ABCA12: variants seen among roughly 807,000 people sequenced by gnomAD.
ABCA12 encodes the protein glucosylceramide transporter ABCA12.
ABCA12 carries 156 observed loss-of-function variants against 293.5 expected under a neutral mutation model. That is an observed-to-expected ratio of 0.53 (90% CI 0.47 to 0.61). The LOEUF (loss-of-function observed/expected upper bound fraction) is 0.61. Ranked by LOEUF, ABCA12 falls within the 20% of genes least tolerant of loss-of-function variation. ABCA12 has a pLI of 0.00. For missense variants in ABCA12, 2,797 were observed against 3,090.2 expected, an observed-to-expected ratio of 0.91 and a Z score of 2.25; for synonymous variants, 1,063 against 1,108.0, an observed-to-expected ratio of 0.96 and a Z score of 0.81.
At position 214,980,413 on chromosome 2, in the gene ABCA12, A is replaced by C. The variant is rs1045765678; in HGVS notation, c.4740+70T>G. On this transcript the variant is annotated intron_variant, in intron 31 of 52. Transcript: ENST00000272895. ...TTTAGCAATGAATAAAGTTGGAGAG[A>C]CTCTGCTCCTATTTCATATAAAACT... 22 of 1,586,502 alleles carry C rather than the reference A, an allele frequency of 1.4e-5. No homozygotes were observed. In the Admixed American group the frequency reaches 3.4e-4, roughly 24 times the overall value.
intron 2 of ABCA12, among the ~76,000 whole-genome samples, chr2:215,101,881 A>C (rs1469867012): frequency 6.6e-6 from 1 of 152,192 alleles, no homozygotes; most frequent in Non-Finnish European, 1.5e-5. Context: ...GAGATCATGA[A>C]AAAGAAGACC....
chr2:215,109,518 C>T (rs1702528160), intron 2 of ABCA12, among the ~76,000 whole-genome samples: 1 of 152,140 alleles, frequency 6.6e-6, no homozygotes, highest in Non-Finnish European at 1.5e-5. Flanking sequence ...TTTGTACTGT[C>T]CTACTGATAA....
At chr2:215,091,270 A>G (rs1702136629) in intron 2 of ABCA12, among the ~76,000 whole-genome samples, 1 of 151,778 alleles carries the variant, frequency 6.6e-6, no homozygotes, top group Non-Finnish European at 1.5e-5. Flanking sequence ...CAATTCTTCC[A>G]CAGCCTCTGC....
intron 2 of ABCA12, among the ~76,000 whole-genome samples, chr2:215,075,191 G>C (rs7601262): frequency 0.3 from 45,611 of 151,958 alleles, 7,359 homozygotes; most frequent in Middle Eastern, 0.37. Flanking sequence ...AAAGAGGGGG[G>C]AAAATTGAGT....
intron 45 of ABCA12, 82 bp from the exon 46 acceptor site, chr2:214,949,231 TG>T: frequency 1.0e-6 from 1 of 960,844 alleles, no homozygotes; most frequent in South Asian, 1.3e-5. Context: ...CTCTTCTCCC[TG>T]GGTGAAATAA....
intron 11 of ABCA12, 129 bp from the exon 12 acceptor site, chr2:215,019,925 G>T: frequency 8.9e-7 from 1 of 1,126,014 alleles, no homozygotes; most frequent in Non-Finnish European, 1.3e-6. Context: ...TGGTTAGTTG[G>T]CATTTGGCGT....
At chr2:214,947,857 T>A in intron 47 of ABCA12, 1 of 388,402 alleles carries the variant, frequency 2.6e-6, no homozygotes. Context: ...CACAAGATTC[T>A]CTAGTAAGGC....
At chr2:215,088,205 A>G (rs1274623282) in intron 2 of ABCA12, among the ~76,000 whole-genome samples, 1 of 152,256 alleles carries the variant, frequency 6.6e-6, no homozygotes, top group African/African-American at 2.4e-5. Context: ...GCATTAATAT[A>G]TAAGATAGAC....
At chr2:215,071,566 T>C (rs1701739259) in intron 2 of ABCA12, among the ~76,000 whole-genome samples, 1 of 152,196 alleles carries the variant, frequency 6.6e-6, no homozygotes, top group African/African-American at 2.4e-5. Context: ...CTTCTAGTTT[T>C]GCTGTTGAAT....
intron 2 of ABCA12, among the ~76,000 whole-genome samples, chr2:215,102,500 G>A (rs1484433990): frequency 6.6e-6 from 1 of 152,190 alleles, no homozygotes; most frequent in Non-Finnish European, 1.5e-5. Flanking sequence ...TTGGGAGGCT[G>A]AGGCAGGAGA....
At chr2:215,084,951 G>A (rs1702009540) in intron 2 of ABCA12, among the ~76,000 whole-genome samples, 1 of 151,684 alleles carries the variant, frequency 6.6e-6, no homozygotes, top group Admixed American at 6.6e-5. Flanking sequence ...AAACTTAGCT[G>A]GGCATGGTGG....
At chr2:215,017,024 A>G (rs1700519706) in intron 14 of ABCA12, among the ~76,000 whole-genome samples, 1 of 152,244 alleles carries the variant, frequency 6.6e-6, no homozygotes, top group African/African-American at 2.4e-5. Context: ...CAAATAATCA[A>G]AAGGTGAGAT....
At chr2:214,975,034 G>A (rs1476037769) in intron 34 of ABCA12, among the ~76,000 whole-genome samples, 170 bp from the exon 35 acceptor site, 1 of 152,088 alleles carries the variant, frequency 6.6e-6, no homozygotes, top group Non-Finnish European at 1.5e-5. Flanking sequence ...GCAATCACAC[G>A]GCTCAATGCA....
chr2:215,019,565 T>C lies in ABCA12; in HGVS notation c.1519A>G (p.Ser507Gly). ...KVRDLLTGDP[S>G]KINLNMDQFL... ...TGATCCATATTTAAATTAATTTTGC[T>C]TGGATCTCCAGTCAGCAAATCTCTC... Residue 507 changes from serine to glycine, a missense_variant, in exon 12 of 53, where the codon AGC (serine) becomes GGC (glycine). Physicochemically the swap from Ser to Gly is moderately conservative, Grantham distance 56 (BLOSUM62 0). This residue lies in a region of ABCA12 where 656 missense variants were observed against 638.2 expected (regional missense o/e 1.03). Coordinates refer to ENST00000272895, the MANE Select transcript of ABCA12 (RefSeq NM_173076.3). 1 of 1,614,224 alleles carries C rather than the reference T, an allele frequency of 6.2e-7. No individual in the cohort carries two copies. Among genetic ancestry groups the C allele is most frequent in the South Asian group, 1.1e-5 (1 of 91,088 alleles).
chr2:214,970,316 C>T lies in ABCA12; in HGVS notation c.5647G>A (p.Glu1883Lys), dbSNP rs1384514228. 2 of 1,612,942 alleles carry T rather than the reference C, an allele frequency of 1.2e-6. No individual in the cohort carries two copies. Among genetic ancestry groups the T allele is most frequent in the East Asian group, 2.2e-5 (1 of 44,796 alleles). ...TTTGCAGTTGATATAAGATAATTTTCCACTCGTTGCCCAGTGAGGTTATAA... is the reference window on the plus strand; with the variant it reads ...TTTGCAGTTGATATAAGATAATTTTTCACTCGTTGCCCAGTGAGGTTATAA... ...VIYNLTGQRV[E>K]NYLISTANEF... Residue 1883 changes from glutamate to lysine, a missense_variant, in exon 37 of 53, where the codon GAA (glutamate) becomes AAA (lysine). Around this residue, in one of 3 missense-constraint regions of ABCA12, gnomAD observed 2,130 missense variants for 2,427.0 expected, o/e 0.88. Coordinates refer to ENST00000272895, the MANE Select transcript of ABCA12 (RefSeq NM_173076.3).
chr2:215,092,487 A>G (rs953682965), intron 2 of ABCA12, among the ~76,000 whole-genome samples: 1 of 151,930 alleles, frequency 6.6e-6, no homozygotes, highest in Non-Finnish European at 1.5e-5. Context: ...CAAGTATTGG[A>G]CACCTCTACT....
At chr2:215,005,651 G>T (rs73090433) in intron 19 of ABCA12, among the ~76,000 whole-genome samples, 3 of 152,152 alleles carry the variant, frequency 2.0e-5, no homozygotes, top group African/African-American at 7.2e-5. Context: ...TGTGTTAGTT[G>T]CAATCTGGAG....
At position 214,983,780 on chromosome 2, in the gene ABCA12, G is replaced by A. The variant is rs146331985; in HGVS notation, c.4249C>T (p.Arg1417Trp). 4.3e-5 allele frequency: 70 copies of A among 1,613,948 alleles called. No individual in the cohort carries two copies. Among genetic ancestry groups the A allele is most frequent in the Non-Finnish European group, 5.1e-5 (60 of 1,180,016 alleles). ...KDIKTDLHTV[R>W]KNMGVCMQHD... ...TGCATACAGACTCCCATGTTCTTCCGTACCGTGTGTAGGTCTGTTTTGATA... is the reference window on the plus strand; with the variant it reads ...TGCATACAGACTCCCATGTTCTTCCATACCGTGTGTAGGTCTGTTTTGATA... The change falls in exon 29 of 53, where the codon CGG (arginine) becomes TGG (tryptophan). Residue 1417 changes from arginine to tryptophan, a missense_variant. Transcript: ENST00000272895.
At chr2:214,997,196 G>A (rs917127275) in intron 23 of ABCA12, among the ~76,000 whole-genome samples, 4 of 152,184 alleles carry the variant, frequency 2.6e-5, no homozygotes, top group Non-Finnish European at 5.9e-5. Context: ...TCAGGAGTCA[G>A]TGGGAAATGG....
Sources: gnomAD v4.1 joint callset for allele counts (sites outside exome capture counted in the v4.1 genomes callset) on GRCh38, gnomAD v4.1.1 for gene constraint, gnomAD v4.1.1 regional missense constraint, MANE v1.5 for transcripts, NCBI Gene and HGNC (gene_info 2026-07-23, HGNC 2026-07-21) for gene names.